ADAMTSL1: variants seen among roughly 807,000 people sequenced by gnomAD.
ADAMTSL1 encodes the protein ADAMTS like 1.
In ADAMTSL1, 126 loss-of-function variants were observed where a neutral mutation model predicts 201.8. The observed-to-expected ratio is 0.62, with a 90% confidence interval of 0.54 to 0.72. The LOEUF (loss-of-function observed/expected upper bound fraction) is 0.72. Ranked by LOEUF, ADAMTSL1 falls within the 30% of genes least tolerant of loss-of-function variation. The pLI, the probability that ADAMTSL1 is intolerant of heterozygous loss-of-function variation, is 0.00. For synonymous variants in ADAMTSL1, 1,121 were observed against 903.4 expected (o/e 1.24, Z -4.32); for missense variants, 2,679 against 2,277.8 (o/e 1.18, Z -3.59).
chr9:18,845,087 C>T (rs1444126655), intron 23 of ADAMTSL1, among the ~76,000 whole-genome samples: 2 of 152,208 alleles, frequency 1.3e-5, no homozygotes, highest in Non-Finnish European at 2.9e-5. Context: ...TGAGATGAAC[C>T]CGGTACCTCA....
At chr9:18,398,575 T>A (rs1233774701) in intron 2 of ADAMTSL1, among the ~76,000 whole-genome samples, 1 of 152,208 alleles carries the variant, frequency 6.6e-6, no homozygotes, top group African/African-American at 2.4e-5. Flanking sequence ...CACAGTCAAC[T>A]TTTTACAATT....
At chr9:18,520,976 CCCAAAGCACCAAGAA>C (rs1424240908) in intron 2 of ADAMTSL1, among the ~76,000 whole-genome samples, 20 of 152,184 alleles carry the variant, frequency 1.3e-4, no homozygotes, top group Admixed American at 1.3e-3. Context: ...TTTTGAAAGT[CCCAAAGCACCAAGAA>C]CCTCTGTTTC....
intron 23 of ADAMTSL1, among the ~76,000 whole-genome samples, chr9:18,883,251 G>T (rs938533258): frequency 6.6e-6 from 1 of 152,114 alleles, no homozygotes; most frequent in African/African-American, 2.4e-5. Flanking sequence ...GCTGGGTTTG[G>T]CTGGAGTGAC....
Position 18,716,681 on chromosome 9 carries a change from G to A in ADAMTSL1, c.1877-4855G>A, listed in dbSNP as rs529228690. 1.7e-4 allele frequency among the ~76,000 whole-genome samples: 25 copies of A among 147,912 alleles called. No homozygotes were observed. In the East Asian group the frequency reaches 3.5e-3, roughly 21 times the overall value. ...CAACCATTGTGGAAGTCAGTGTGGC[G>A]ATTCCTCAGGGATCTAGAACTAGAA... is the stretch of plus-strand genomic sequence containing the variant. On this transcript the variant is annotated intron_variant, in intron 14 of 28. Coordinates refer to ENST00000380548, the MANE Select transcript of ADAMTSL1 (RefSeq NM_001040272.6).
chr9:18,741,556 C>G (rs191945843), intron 15 of ADAMTSL1, among the ~76,000 whole-genome samples: 3 of 152,308 alleles, frequency 2.0e-5, no homozygotes, highest in African/African-American at 7.2e-5. Flanking sequence ...AGAACTAACT[C>G]AAGGGAGTGT....
intron 1 of ADAMTSL1, among the ~76,000 whole-genome samples, chr9:18,138,941 T>C (rs895040408): frequency 6.6e-6 from 1 of 152,148 alleles, no homozygotes; most frequent in Non-Finnish European, 1.5e-5. Flanking sequence ...AGTGTGAATA[T>C]GTGTGTGTAT....
rs1030647779 is a variant in ADAMTSL1, at chr9:18,068,837, A to C, written c.88-95025A>C. Among the ~76,000 whole-genome samples the C allele has an allele frequency of 1.3e-5, 2 of 152,226 alleles. 1 individual carries two copies. Among genetic ancestry groups the C allele is most frequent in the African/African-American group, 4.8e-5 (2 of 41,468 alleles). On this transcript the variant is annotated intron_variant, in intron 1 of 29. Transcript: ENST00000680146. ...TCACATTCTGACAGCCTAAGGCAGC[A>C]TGTGAAAGATCAATTACAGAGTGGT...
chr9:18,199,887 C>T (rs1829361674), intron 2 of ADAMTSL1, among the ~76,000 whole-genome samples: 1 of 143,886 alleles, frequency 6.9e-6, no homozygotes, highest in African/African-American at 2.5e-5. Context: ...CATAAACTTG[C>T]TAAATTTTTT....
At chr9:18,015,755 A>G (rs1233077746) in intron 1 of ADAMTSL1, among the ~76,000 whole-genome samples, 2 of 152,030 alleles carry the variant, frequency 1.3e-5, no homozygotes, top group South Asian at 2.1e-4. Flanking sequence ...TAGGCTGCTC[A>G]TTGGAAACAC....
intron 2 of ADAMTSL1, among the ~76,000 whole-genome samples, chr9:18,413,180 C>G (rs1197851539): frequency 2.2e-5 from 3 of 138,610 alleles, no homozygotes; most frequent in African/African-American, 8.1e-5. Context: ...TGGAATTTCG[C>G]TCTTATTGCC....
chr9:18,573,659 T>C (rs558883399), intron 3 of ADAMTSL1, among the ~76,000 whole-genome samples: 32 of 152,304 alleles, frequency 2.1e-4, no homozygotes, highest in African/African-American at 6.5e-4. Context: ...TTTCAACTAA[T>C]CCTCTGACTT....
intron 14 of ADAMTSL1, among the ~76,000 whole-genome samples, chr9:18,721,283 C>G (rs1012027026): frequency 3.3e-5 from 5 of 152,204 alleles, no homozygotes; most frequent in African/African-American, 1.2e-4. Context: ...TAGGTAGCAG[C>G]CTCTCTTCTG....
chr9:18,340,080 A>G (rs1021022981), intron 2 of ADAMTSL1, among the ~76,000 whole-genome samples: 14 of 152,152 alleles, frequency 9.2e-5, no homozygotes, highest in South Asian at 8.3e-4. Flanking sequence ...AGTGCTGATC[A>G]CTTTCTTCTT....
intron 2 of ADAMTSL1, among the ~76,000 whole-genome samples, chr9:18,522,604 T>C (rs1798959761): frequency 8.6e-6 from 1 of 116,196 alleles, no homozygotes; most frequent in Non-Finnish European, 1.7e-5. Flanking sequence ...CCACACCCCA[T>C]GACAGGCCCC....
In ADAMTSL1 at chr9:18,605,759, G is replaced by A. The variant is rs558957104; in HGVS notation, c.475-16484G>A. Among the ~76,000 whole-genome samples the A allele has an allele frequency of 6.6e-5, 10 of 152,300 alleles. No individual in the cohort carries two copies. In the East Asian group the frequency reaches 1.9e-3, roughly 29 times the overall value. ...TTGAGGTTCACAAATAGAAACAAGT[G>A]TACAAATATTCCATTCACATGCTTT... On this transcript the variant is annotated intron_variant, in intron 4 of 28. Transcript: ENST00000380548.
chr9:18,385,780 T>C (rs918409447), intron 2 of ADAMTSL1, among the ~76,000 whole-genome samples: 1 of 152,208 alleles, frequency 6.6e-6, no homozygotes, highest in African/African-American at 2.4e-5. Context: ...ACTCCAGTAG[T>C]ATTTGGCTGA....
chr9:18,228,844 T>G (rs528793086), intron 2 of ADAMTSL1, among the ~76,000 whole-genome samples: 69 of 91,040 alleles, frequency 7.6e-4, no homozygotes, highest in African/African-American at 1.7e-3. Context: ...GTTTTTTTGT[T>G]TTTTTTTTTT....
chr9:18,425,881 C>T (rs904141411), intron 2 of ADAMTSL1, among the ~76,000 whole-genome samples: 9 of 126,172 alleles, frequency 7.1e-5, no homozygotes, highest in Admixed American at 5.9e-4. Context: ...AAAAAAAAGA[C>T]GTGTATAGAT....
intron 1 of ADAMTSL1, among the ~76,000 whole-genome samples, chr9:18,056,665 T>C (rs1168355821): frequency 1.3e-5 from 2 of 152,168 alleles, no homozygotes; most frequent in Non-Finnish European, 2.9e-5. Flanking sequence ...ATTCAGAGCA[T>C]GGTAACTGGC....
Sources: allele counts gnomAD v4.1 joint callset (sites outside exome capture counted in the v4.1 genomes callset), GRCh38; gene constraint gnomAD v4.1.1; transcripts MANE v1.5; gene names NCBI Gene and HGNC (gene_info 2026-07-23, HGNC 2026-07-21).